The following EXTL3 variants were observed in gnomAD, a reference collection of about 807,000 sequenced individuals.
EXTL3 encodes exostosin-like 3.
In EXTL3, 27 loss-of-function variants were observed where a neutral mutation model predicts 69.3. That is an observed-to-expected ratio of 0.39 (90% CI 0.29 to 0.54). The LOEUF (loss-of-function observed/expected upper bound fraction) is 0.54. EXTL3 is among the 20% of genes least tolerant of loss of function. The pLI, the probability that EXTL3 is intolerant of heterozygous loss-of-function variation, is 0.69. For missense variants in EXTL3, 1,003 were observed against 1,231.8 expected (o/e 0.81, Z 2.78); for synonymous variants, 511 against 499.4 (o/e 1.02, Z -0.31).
At chr8:28,708,899 C>T (rs1046233065) in intron 1 of EXTL3, among the ~76,000 whole-genome samples, 3 of 152,174 alleles carry the variant, frequency 2.0e-5, no homozygotes, top group Non-Finnish European at 4.4e-5. Context: ...TTCTCTTTAG[C>T]AGGTAAATAC....
At chr8:28,677,873 G>T (rs1456424009) in intron 1 of EXTL3, among the ~76,000 whole-genome samples, 1 of 152,252 alleles carries the variant, frequency 6.6e-6, no homozygotes, top group Non-Finnish European at 1.5e-5. Context: ...GGGATCCAAA[G>T]ATTAGTAAAA....
At chr8:28,640,530 C>G (rs1042946161) in intron 1 of EXTL3, among the ~76,000 whole-genome samples, 1 of 152,222 alleles carries the variant, frequency 6.6e-6, no homozygotes, top group African/African-American at 2.4e-5. Context: ...TAAACTCAAA[C>G]TCAGAGCCCC....
chr8:28,726,320 T>A (rs1372623021), intron 3 of EXTL3, among the ~76,000 whole-genome samples: 1 of 152,184 alleles, frequency 6.6e-6, no homozygotes, highest in Admixed American at 6.5e-5. Context: ...AATAGTTGGT[T>A]TGCTGAGCTT....
chr8:28,680,186 G>A (rs1287223388), intron 1 of EXTL3, among the ~76,000 whole-genome samples: 3 of 152,028 alleles, frequency 2.0e-5, no homozygotes, highest in African/African-American at 7.2e-5. Context: ...GAGGTCAGGA[G>A]TTCAAGACCA....
upstream of EXTL3, among the ~76,000 whole-genome samples, chr8:28,618,528 A>G (rs976876414): frequency 1.3e-5 from 2 of 152,130 alleles, no homozygotes; most frequent in Non-Finnish European, 2.9e-5. Context: ...AGCTGAGTGG[A>G]GGTCAGATCA....
chr8:28,635,597 G>T (rs1806641065), intron 1 of EXTL3, among the ~76,000 whole-genome samples: 1 of 149,280 alleles, frequency 6.7e-6, no homozygotes, highest in Non-Finnish European at 1.5e-5. Flanking sequence ...TGTAGTCCCA[G>T]CTACTTAGGA....
upstream of EXTL3, among the ~76,000 whole-genome samples, chr8:28,620,539 T>C (rs1273243282): frequency 2.0e-5 from 3 of 152,170 alleles, no homozygotes; most frequent in Non-Finnish European, 4.4e-5. Context: ...TCTCAGGCAT[T>C]TGGACCGGAA....
intron 3 of EXTL3, among the ~76,000 whole-genome samples, chr8:28,726,636 C>T (rs77700202): frequency 6.6e-6 from 1 of 152,102 alleles, no homozygotes; most frequent in African/African-American, 2.4e-5. Context: ...GATCTGGCAG[C>T]ATCCCTGGCT....
At chr8:28,637,000 G>C (rs1192356398) in intron 1 of EXTL3, among the ~76,000 whole-genome samples, 1 of 151,648 alleles carries the variant, frequency 6.6e-6, no homozygotes, top group South Asian at 2.1e-4. Flanking sequence ...AGAAAGAAGC[G>C]GGTGGAGGGG....
intron 3 of EXTL3, among the ~76,000 whole-genome samples, chr8:28,722,774 T>TAAAAAA (rs397711641): frequency 1.0e-5 from 1 of 97,604 alleles, no homozygotes; most frequent in Admixed American, 1.1e-4. Context: ...ACCCTGTCTC[T>TAAAAAA]AAAAAAAAAA....
At chr8:28,748,144 G>A (rs945074576) in intron 6 of EXTL3, among the ~76,000 whole-genome samples, 12 of 152,066 alleles carry the variant, frequency 7.9e-5, no homozygotes, top group African/African-American at 2.7e-4. Context: ...AGGCTGAGGC[G>A]GGCAGATCAC....
intron 1 of EXTL3, among the ~76,000 whole-genome samples, chr8:28,654,760 T>G (rs1228259733): frequency 6.6e-6 from 1 of 152,226 alleles, no homozygotes; most frequent in African/African-American, 2.4e-5. Flanking sequence ...AGCCCCATCT[T>G]CTTTTTCATA....
At chr8:28,666,247 C>CTTTT (rs1563441143) in intron 1 of EXTL3, among the ~76,000 whole-genome samples, 3 of 151,988 alleles carry the variant, frequency 2.0e-5, no homozygotes, top group Non-Finnish European at 4.4e-5. Flanking sequence ...TTCTTGCTGT[C>CTTTT]TCTTTTCTTT....
chr8:28,639,015 A>G (rs142736481), intron 1 of EXTL3, among the ~76,000 whole-genome samples: 7 of 145,778 alleles, frequency 4.8e-5, no homozygotes, highest in African/African-American at 1.6e-4. Flanking sequence ...TTGGCTCACC[A>G]CAACCTCCAA....
At chr8:28,704,723 G>A (rs1800883875) in intron 1 of EXTL3, among the ~76,000 whole-genome samples, 1 of 151,858 alleles carries the variant, frequency 6.6e-6, no homozygotes, top group African/African-American at 2.4e-5. Flanking sequence ...AGGCTAGAGT[G>A]CAATGGCATG....
intron 1 of EXTL3, among the ~76,000 whole-genome samples, chr8:28,675,550 TGTC>T (rs1203477817): frequency 1.3e-5 from 2 of 152,192 alleles, no homozygotes; most frequent in Admixed American, 1.3e-4. Flanking sequence ...CCTATACTGT[TGTC>T]AGTAAATTCT....
At chr8:28,614,270 TG>T (rs1400762996) in intron 2 of EXTL3, among the ~76,000 whole-genome samples, 3 of 149,084 alleles carry the variant, frequency 2.0e-5, no homozygotes, top group Non-Finnish European at 4.4e-5. Context: ...TGGGGTTTTT[TG>T]CTTTTTTTTT....
At chr8:28,703,077 C>A (rs1416926416) in intron 1 of EXTL3, among the ~76,000 whole-genome samples, 4 of 152,166 alleles carry the variant, frequency 2.6e-5, no homozygotes, top group East Asian at 1.9e-4. Context: ...GTTAAAAATA[C>A]CTTATCCTGT....
At chr8:28,690,973 T>G (rs889914553) in intron 1 of EXTL3, among the ~76,000 whole-genome samples, 2 of 152,140 alleles carry the variant, frequency 1.3e-5, no homozygotes, top group Admixed American at 1.3e-4. Context: ...AAAAACATTC[T>G]GTATTGCAGG....
Sources: gnomAD v4.1 joint callset for allele counts (sites outside exome capture counted in the v4.1 genomes callset) on GRCh38, gnomAD v4.1.1 for gene constraint, MANE v1.5 for transcripts, NCBI Gene and HGNC (gene_info 2026-07-23, HGNC 2026-07-21) for gene names.